Variants in ZNF766 observed in about 807,000 individuals in gnomAD.
The protein encoded by ZNF766 is zinc finger protein 766.
A neutral mutation model predicts 13.2 loss-of-function variants in ZNF766; 13 were observed. The observed-to-expected ratio is 0.98, with a 90% CI of 0.64 to 1.56. ZNF766 has a LOEUF of 1.56. Among genes scored for constraint, ZNF766 ranks in the 40% most tolerant of loss-of-function variants. The pLI is 0.00. For missense variants in ZNF766, 521 were observed against 552.2 expected (o/e 0.94, Z 0.57); for synonymous variants, 178 against 187.6 (o/e 0.95, Z 0.42).
rs760415457 is a variant in ZNF766 at position 52,290,979 on chromosome 19, A to T, written c.1188A>T (p.Ser396=). ...GTGGCAAAGTCTTCACTCAAGTTTC[A>T]CATCTTGCACGACATCAGAAAATTC... The part of the protein sequence containing the change: ...HECGKVFTQV[S]HLARHQKIHT... The change falls in exon 4 of 4, where the codon TCA becomes TCT. Residue 396 remains serine (S), a synonymous_variant. Coordinates refer to ENST00000439461, the MANE Select transcript of ZNF766 (RefSeq NM_001010851.3). 4 of 1,614,060 alleles carry T rather than the reference A, an allele frequency of 2.5e-6. No homozygotes were observed. In the African/African-American group the frequency reaches 5.3e-5, roughly 22 times the overall value.
At chr19:52,283,258 C>T (rs759469379) in intron 2 of ZNF766, 27 bp from the exon 3 acceptor site, 3 of 1,607,772 alleles carry the variant, frequency 1.9e-6, no homozygotes, top group East Asian at 2.2e-5. Flanking sequence ...CATCACAGCA[C>T]ATCTTGATTC....
chr19:52,278,961 C>T (rs974990963), intron 1 of ZNF766, among the ~76,000 whole-genome samples: 5 of 152,110 alleles, frequency 3.3e-5, no homozygotes, highest in African/African-American at 1.2e-4. Context: ...TTCCTGTGTC[C>T]AGGATGGTAT....
intron 1 of ZNF766, among the ~76,000 whole-genome samples, chr19:52,279,516 T>A (rs1981377911): frequency 6.6e-6 from 1 of 152,152 alleles, no homozygotes; most frequent in Non-Finnish European, 1.5e-5. Context: ...TTTCTGTTTG[T>A]GTCTTCTCTG....
At chr19:52,273,702 C>T (rs187751304) in intron 1 of ZNF766, among the ~76,000 whole-genome samples, 1 of 152,332 alleles carries the variant, frequency 6.6e-6, no homozygotes, top group Admixed American at 6.5e-5. Context: ...ACACCCTTAC[C>T]CCTACTGTGG....
At chr19:52,270,950 A>G (rs952012207) in intron 1 of ZNF766, among the ~76,000 whole-genome samples, 2 of 151,908 alleles carry the variant, frequency 1.3e-5, no homozygotes, top group African/African-American at 4.8e-5. Context: ...TCGCCTGGCC[A>G]ATTTTGTATT....
At chr19:52,281,424 C>CA in intron 1 of ZNF766, 1 of 276,110 alleles carries the variant, frequency 3.6e-6, no homozygotes, top group South Asian at 3.0e-5. Flanking sequence ...GAGGCTGAGG[C>CA]AGGAGAATTA....
chr19:52,283,982 C>T (rs180749484), intron 3 of ZNF766, among the ~76,000 whole-genome samples: 4 of 152,308 alleles, frequency 2.6e-5, no homozygotes, highest in South Asian at 2.1e-4. Flanking sequence ...GTGATCCGCC[C>T]GCCTTGGCCT....
chr19:52,290,750 T>C lies in ZNF766; in HGVS notation c.959T>C (p.Ile320Thr). 1.2e-6 allele frequency: 2 copies of C among 1,613,916 alleles called. No homozygotes were observed. The highest frequency in any genetic ancestry group is 8.5e-7 in the Non-Finnish European group (1 of 1,179,898). Residue 320 changes from isoleucine (I) to threonine (T), a missense_variant, in exon 4 of 4, where the codon ATT becomes ACT. By Grantham distance (89) the Ile-to-Thr change is moderately conservative. Coordinates refer to ENST00000439461, the MANE Select transcript of ZNF766 (RefSeq NM_001010851.3). ...TCATACCTAGCACAACATTGGAGAA[T>C]TCATACAGGAGAGAAACTTTACAAA... is the stretch of plus-strand genomic sequence containing the variant. The part of the protein sequence containing the change: ...SSSYLAQHWR[I>T]HTGEKLYKCN...
chr19:52,275,385 A>G (rs1009456598), intron 1 of ZNF766, among the ~76,000 whole-genome samples: 1 of 152,254 alleles, frequency 6.6e-6, no homozygotes, highest in Non-Finnish European at 1.5e-5. Context: ...ATTGCAAAAG[A>G]ATCAAAAAGT....
chr19:52,283,447 C>CTTTTT, intron 3 of ZNF766, 34 bp downstream of exon 3: 3 of 1,369,254 alleles, frequency 2.2e-6, no homozygotes, highest in Non-Finnish European at 9.6e-7. Context: ...GAAAGCCACA[C>CTTTTT]TTTTTTTTTT....
chr19:52,275,952 A>G (rs750292999), intron 1 of ZNF766, among the ~76,000 whole-genome samples: 4 of 152,178 alleles, frequency 2.6e-5, no homozygotes, highest in Admixed American at 1.3e-4. Flanking sequence ...AAGTGTTGGG[A>G]TTAGAGGCAT....
intron 1 of ZNF766, chr19:52,277,624 G>T: frequency 7.0e-7 from 1 of 1,427,064 alleles, no homozygotes; most frequent in African/African-American, 1.4e-5. Context: ...TCTTCTCTGA[G>T]TCTGAAGCAT....
At chr19:52,280,982 G>A (rs1981484803) in intron 1 of ZNF766, among the ~76,000 whole-genome samples, 2 of 151,024 alleles carry the variant, frequency 1.3e-5, no homozygotes, top group Admixed American at 1.3e-4. Flanking sequence ...ATGGAGAAAG[G>A]CCATTTGTAC....
chr19:52,270,981 A>C (rs1980949325), intron 1 of ZNF766, among the ~76,000 whole-genome samples: 1 of 152,110 alleles, frequency 6.6e-6, no homozygotes, highest in African/African-American at 2.4e-5. Flanking sequence ...ACAGGGTTTC[A>C]CCGTGTTGGC....
Position 52,283,288 on chromosome 19 carries a change from T to C in ZNF766, c.149T>C (p.Ile50Thr). 1 of 1,612,658 alleles carries C rather than the reference T, an allele frequency of 6.2e-7. No individual in the cohort carries two copies. The change falls in exon 3 of 4, where the codon ATC becomes ACC. Residue 50 changes from isoleucine to threonine, a missense_variant. By Grantham distance (89) the Ile-to-Thr change is moderately conservative (BLOSUM62 -1). Transcript: ENST00000439461. ...ENYRNLVSLGICLPDLSIISM... is the reference protein window; with the variant it reads ...ENYRNLVSLGTCLPDLSIISM... ...TGATTCTTTCTTTTATAAACAGGAA[T>C]CTGTCTTCCTGACCTGAGTATTATC...
intron 3 of ZNF766, among the ~76,000 whole-genome samples, chr19:52,286,063 A>G (rs1981802125): frequency 6.6e-6 from 1 of 150,634 alleles, no homozygotes; most frequent in African/African-American, 2.4e-5. Context: ...AAGAGAGTTA[A>G]TAAGCACAAG....
chr19:52,269,740 C>T, intron 1 of ZNF766, 109 bp downstream of exon 1: 1 of 1,373,508 alleles, frequency 7.3e-7, no homozygotes, highest in Non-Finnish European at 1.0e-6. Context: ...ACCGCTCTCT[C>T]CACCCCGAGT....
chr19:52,273,282 A>G (rs766523629), intron 1 of ZNF766, among the ~76,000 whole-genome samples: 5 of 152,220 alleles, frequency 3.3e-5, no homozygotes, highest in Non-Finnish European at 7.3e-5. Flanking sequence ...TGCTGGGATT[A>G]CAGGCATGAG....
intron 1 of ZNF766, chr19:52,275,652 A>G (rs1411296078): frequency 1.3e-5 from 2 of 149,946 alleles, no homozygotes; most frequent in Non-Finnish European, 3.0e-5. Context: ...CTCTTATACC[A>G]TATGACTACT....
Sources: gnomAD v4.1 joint callset for allele counts (sites outside exome capture counted in the v4.1 genomes callset) on GRCh38, gnomAD v4.1.1 for gene constraint, MANE v1.5 for transcripts, NCBI Gene and HGNC (gene_info 2026-07-23, HGNC 2026-07-21) for gene names.